Variants in C10orf143 observed in about 807,000 individuals in gnomAD.
C10orf143 encodes chromosome 10 open reading frame 143.
intron 1 of C10orf143, among the ~76,000 whole-genome samples, chr10:130,083,422 C>T (rs1480137859): frequency 6.6e-6 from 1 of 152,176 alleles, no homozygotes; most frequent in Non-Finnish European, 1.5e-5. Context: ...AAACATACAC[C>T]TCCAACGATA....
chr10:130,091,876 A>G (rs1861387985), intron 1 of C10orf143, among the ~76,000 whole-genome samples: 1 of 152,196 alleles, frequency 6.6e-6, no homozygotes, highest in Non-Finnish European at 1.5e-5. Flanking sequence ...AAAAAGAATG[A>G]AAAGGAATGA....
chr10:130,041,459 T>C (rs917994038), intron 3 of C10orf143, among the ~76,000 whole-genome samples: 4 of 152,224 alleles, frequency 2.6e-5, no homozygotes, highest in African/African-American at 9.7e-5. Context: ...TCTTTTTTCA[T>C]TGCTACCAAT....
chr10:130,045,721 GTC>G (rs1860660343), intron 3 of C10orf143, among the ~76,000 whole-genome samples: 1 of 152,256 alleles, frequency 6.6e-6, no homozygotes. Context: ...GACTCAGAAA[GTC>G]ACAGCCACGT....
At chr10:130,053,159 C>T (rs1860755813) in intron 3 of C10orf143, among the ~76,000 whole-genome samples, 2 of 152,200 alleles carry the variant, frequency 1.3e-5, no homozygotes, top group Non-Finnish European at 2.9e-5. Flanking sequence ...CTCCAGGGTT[C>T]AGGCGATTCT....
chr10:130,107,035 A>G, intron 1 of C10orf143: 1 of 1,373,944 alleles, frequency 7.3e-7, no homozygotes, highest in African/African-American at 1.4e-5. Flanking sequence ...TAGAAGGAGA[A>G]AGAAACCAAA....
chr10:130,036,368 T>C (rs543087680), intron 3 of C10orf143, among the ~76,000 whole-genome samples: 2 of 152,302 alleles, frequency 1.3e-5, no homozygotes, highest in East Asian at 1.9e-4. Flanking sequence ...CCTCCTGTCA[T>C]AGGACGATGG....
At chr10:130,048,805 C>A (rs947017977) in intron 3 of C10orf143, among the ~76,000 whole-genome samples, 2 of 152,072 alleles carry the variant, frequency 1.3e-5, no homozygotes, top group African/African-American at 2.4e-5. Flanking sequence ...TGGGCTCAAA[C>A]AATCCTCCCG....
chr10:130,105,746 A>G (rs908489967), intron 1 of C10orf143, among the ~76,000 whole-genome samples: 6 of 151,518 alleles, frequency 4.0e-5, no homozygotes, highest in African/African-American at 1.5e-4. Flanking sequence ...CCCCCCAAAC[A>G]AAACAAAACA....
At chr10:130,042,755 T>C (rs767417109) in intron 3 of C10orf143, among the ~76,000 whole-genome samples, 1 of 152,168 alleles carries the variant, frequency 6.6e-6, no homozygotes, top group Non-Finnish European at 1.5e-5. Context: ...GTATAGCCAG[T>C]GTGAGAAAGG....
At chr10:130,046,947 T>A (rs557657855) in intron 3 of C10orf143, among the ~76,000 whole-genome samples, 43 of 152,330 alleles carry the variant, frequency 2.8e-4, no homozygotes, top group Admixed American at 1.8e-3. Context: ...GCGTGCACAC[T>A]TGCTTTTTAA....
downstream of C10orf143, among the ~76,000 whole-genome samples, chr10:130,059,670 C>T (rs1860833303): frequency 6.6e-6 from 1 of 152,146 alleles, no homozygotes; most frequent in South Asian, 2.1e-4. Flanking sequence ...GATAAAACCT[C>T]AGGGAGATAT....
chr10:130,039,698 G>A (rs1860584915), intron 3 of C10orf143, among the ~76,000 whole-genome samples: 1 of 152,232 alleles, frequency 6.6e-6, no homozygotes, highest in Non-Finnish European at 1.5e-5. Context: ...CAAGTCAGAA[G>A]ATGCCCTGGG....
intron 3 of C10orf143, among the ~76,000 whole-genome samples, chr10:130,043,930 C>T (rs1860635976): frequency 6.6e-6 from 1 of 152,170 alleles, no homozygotes; most frequent in African/African-American, 2.4e-5. Context: ...AGAGGTGACA[C>T]TCTTAGGGTT....
At position 130,056,310 on chromosome 10, in the gene C10orf143, G is replaced by A. The variant is rs544563260; in HGVS notation, c.298-20340C>T. On this transcript the variant is annotated intron_variant and NMD_transcript_variant, in intron 3 of 5. Coordinates refer to the C10orf143 transcript ENST00000643056. The surrounding 1 kb of genome is among the most constrained non-coding windows in gnomAD (Gnocchi z 4.6). ...CTCATGGCTCCAAGCTCCAGTGGCC[G>A]TACCAGAAGATCAGGGGTGGGGGTG... Among the ~76,000 whole-genome samples the A allele has an allele frequency of 9.9e-5, 15 of 152,250 alleles. No individual in the cohort carries two copies. The highest frequency in any genetic ancestry group is 5.8e-4 in the East Asian group (3 of 5,160).
intron 3 of C10orf143, among the ~76,000 whole-genome samples, chr10:130,074,310 T>C (rs1861079791): frequency 6.6e-6 from 1 of 152,162 alleles, no homozygotes; most frequent in African/African-American, 2.4e-5. Flanking sequence ...TCCAGGATCC[T>C]TGACAAACCT....
At chr10:130,110,459 G>T (rs918826025) in intron 1 of C10orf143, among the ~76,000 whole-genome samples, 3 of 152,256 alleles carry the variant, frequency 2.0e-5, no homozygotes, top group South Asian at 4.1e-4. Context: ...TGTGGGTCAG[G>T]AAGGTGCCCG....
intron 3 of C10orf143, among the ~76,000 whole-genome samples, chr10:130,039,067 G>T (rs1365590170): frequency 1.3e-5 from 2 of 152,268 alleles, no homozygotes; most frequent in African/African-American, 4.8e-5. Context: ...CAGGACAGTT[G>T]GTCCCCCAGC....
At chr10:130,104,415 G>C (rs1861606965) in intron 1 of C10orf143, among the ~76,000 whole-genome samples, 1 of 152,190 alleles carries the variant, frequency 6.6e-6, no homozygotes, top group Admixed American at 6.5e-5. Flanking sequence ...TGGCTGCTGT[G>C]TTTTCCAAAA....
At chr10:130,060,664 G>C (rs550929988), downstream of C10orf143, among the ~76,000 whole-genome samples, 1 of 151,000 alleles carries the variant, frequency 6.6e-6, no homozygotes, top group Non-Finnish European at 1.5e-5. Flanking sequence ...TCTACTAAAA[G>C]TACAAAAAAA....
Sources: gnomAD v4.1 joint callset for allele counts (sites outside exome capture counted in the v4.1 genomes callset) on GRCh38, gnomAD v4.1.1 for gene constraint, Gnocchi (gnomAD v3.1) non-coding constraint, MANE v1.5 for transcripts, NCBI Gene and HGNC (gene_info 2026-07-23, HGNC 2026-07-21) for gene names.